The following SUSD6 variants were observed in gnomAD, a reference collection of about 807,000 sequenced individuals.
The protein encoded by SUSD6 is sushi domain-containing protein 6.
Under a neutral mutation model 28.4 loss-of-function variants are expected in SUSD6, and 16 were observed. The ratio of observed to expected loss-of-function variants is 0.56; its 90% CI spans 0.38 to 0.86. SUSD6 has a LOEUF of 0.86. Among genes scored for constraint, SUSD6 ranks in the 40% least tolerant of loss-of-function variants. The probability of loss-of-function intolerance (pLI) is 0.00; values close to 1 mark genes in which losing one functional copy is unlikely to be tolerated. For missense variants in SUSD6, 341 were observed against 384.2 expected (o/e 0.89, Z 0.94); for synonymous variants, 147 against 159.6 (o/e 0.92, Z 0.59).
At chr14:69,702,776 C>T (rs916816411) in intron 2 of SUSD6, among the ~76,000 whole-genome samples, 10 of 152,058 alleles carry the variant, frequency 6.6e-5, no homozygotes, top group African/African-American at 2.2e-4. Flanking sequence ...ACAAATAAGG[C>T]GGGAGGTGAA....
intron 1 of SUSD6, among the ~76,000 whole-genome samples, chr14:69,631,049 A>G (rs1422843042): frequency 6.6e-6 from 1 of 152,260 alleles, no homozygotes; most frequent in Non-Finnish European, 1.5e-5. Context: ...ACCATCATCT[A>G]GTGACCTGTG....
chr14:69,616,932 C>T (rs1884967963), intron 1 of SUSD6, among the ~76,000 whole-genome samples: 1 of 152,092 alleles, frequency 6.6e-6, no homozygotes, highest in African/African-American at 2.4e-5. Flanking sequence ...CCCAAAAAGT[C>T]ACTCCCTATT....
chr14:69,639,956 GTTTTTT>G (rs11463756), intron 1 of SUSD6, among the ~76,000 whole-genome samples: 175 of 81,646 alleles, frequency 2.1e-3, no homozygotes, highest in African/African-American at 7.8e-3. Flanking sequence ...CACCTACACT[GTTTTTT>G]TTTTTTTTTT....
rs1566610450 is a variant in SUSD6 at position 69,713,656 on chromosome 14, G to T, written c.*2677G>T. ...AGCAGCAGGTGGCAGGCTGTTAAAA[G>T]ACAGGCTGCCTGAGGAGCCTGGAGC... On this transcript the variant is annotated 3_prime_UTR_variant, in exon 6 of 6. Coordinates refer to ENST00000342745, the MANE Select transcript of SUSD6 (RefSeq NM_014734.4). 1 of 152,078 alleles carries T rather than the reference G, an allele frequency of 6.6e-6. No individual in the cohort carries two copies. Among genetic ancestry groups the T allele is most frequent in the Non-Finnish European group, 1.5e-5 (1 of 68,114 alleles). The allele number at this position is 152,078 out of a possible 1,614,324, so 9.4% of individuals were successfully genotyped here.
At position 69,635,219 on chromosome 14, in the gene SUSD6, A is replaced by G. The variant is rs150865783; in HGVS notation, c.-80-23294A>G. ...CTTAGTGTCAGGTAGAGGAGGAAGC[A>G]GCTGTGGAGTGTAAAGAAATCATCT... is the stretch of plus-strand genomic sequence containing the variant. On this transcript the variant is annotated intron_variant, in intron 1 of 5. Coordinates refer to ENST00000342745, the MANE Select transcript of SUSD6 (RefSeq NM_014734.4). Among the ~76,000 whole-genome samples the G allele has an allele frequency of 1.7e-3, 263 of 152,358 alleles. 1 individual carries two copies. Among genetic ancestry groups the G allele is most frequent in the African/African-American group, 5.9e-3 (246 of 41,578 alleles).
chr14:69,628,949 T>TG (rs1464730888), intron 1 of SUSD6, among the ~76,000 whole-genome samples: 1 of 152,004 alleles, frequency 6.6e-6, no homozygotes, highest in Non-Finnish European at 1.5e-5. Context: ...TCAAGTGATC[T>TG]GCCAGCCTTG....
At chr14:69,649,376 G>A (rs1395446483) in intron 1 of SUSD6, among the ~76,000 whole-genome samples, 9 of 152,178 alleles carry the variant, frequency 5.9e-5, no homozygotes, top group Admixed American at 5.9e-4. Flanking sequence ...ACTCAGCCCT[G>A]ATGGGAACCA....
At chr14:69,704,329 T>G (rs1886356236) in intron 3 of SUSD6, among the ~76,000 whole-genome samples, 1 of 152,124 alleles carries the variant, frequency 6.6e-6, no homozygotes, top group South Asian at 2.1e-4. Flanking sequence ...AAAGGTAAAA[T>G]CTCTAGGGTT....
At chr14:69,632,583 T>A (rs983264476) in intron 1 of SUSD6, among the ~76,000 whole-genome samples, 1 of 151,992 alleles carries the variant, frequency 6.6e-6, no homozygotes, top group Non-Finnish European at 1.5e-5. Flanking sequence ...GCTCCTCCTT[T>A]CTGTATCATC....
chr14:69,657,382 G>A (rs1356271496), intron 1 of SUSD6, among the ~76,000 whole-genome samples: 1 of 152,138 alleles, frequency 6.6e-6, no homozygotes, highest in Non-Finnish European at 1.5e-5. Flanking sequence ...TTCAACCCGG[G>A]AGGTGGAGGT....
At chr14:69,708,582 C>A in intron 4 of SUSD6, 95 bp from the exon 5 acceptor site, 2 of 1,072,810 alleles carry the variant, frequency 1.9e-6, no homozygotes, top group Non-Finnish European at 2.7e-6. Context: ...ATAGTAAGTG[C>A]TCAAAAATGG....
chr14:69,647,413 G>C (rs1256415667), intron 1 of SUSD6, among the ~76,000 whole-genome samples: 1 of 152,114 alleles, frequency 6.6e-6, no homozygotes, highest in African/African-American at 2.4e-5. Flanking sequence ...GTGGAGTGGG[G>C]GTGGGGTTGT....
intron 2 of SUSD6, among the ~76,000 whole-genome samples, chr14:69,676,820 A>G (rs1885917146): frequency 6.6e-6 from 1 of 152,260 alleles, no homozygotes; most frequent in Non-Finnish European, 1.5e-5. Flanking sequence ...ACAGTTCCCC[A>G]GCCTCTCAAG....
chr14:69,641,968 C>T (rs143545787), intron 1 of SUSD6, among the ~76,000 whole-genome samples: 76 of 152,274 alleles, frequency 5.0e-4, no homozygotes, highest in Admixed American at 1.2e-3. Context: ...TTCTTGAACA[C>T]ATGGAGTATA....
At position 69,670,072 on chromosome 14, in the gene SUSD6, G is replaced by A. The variant is rs1885806674; in HGVS notation, c.121+11359G>A. ...CCCTGGGTTTTGGTAGGGTTGCTGT[G>A]GGGCAGATTGGGTTTTGTATTTTCA... On this transcript the variant is annotated intron_variant, in intron 2 of 5. Transcript: ENST00000342745. 2.0e-5 allele frequency among the ~76,000 whole-genome samples: 3 copies of A among 152,218 alleles called. No homozygotes were observed. The South Asian group carries it at 6.2e-4, about 32-fold the overall frequency.
At chr14:69,682,655 A>G (rs374107570) in intron 2 of SUSD6, among the ~76,000 whole-genome samples, 1 of 152,200 alleles carries the variant, frequency 6.6e-6, no homozygotes, top group South Asian at 2.1e-4. Context: ...ATAAGATTAC[A>G]TTTTCCCCTA....
At chr14:69,615,751 TCA>T (rs1230584513) in intron 1 of SUSD6, 4 of 152,254 alleles carry the variant, frequency 2.6e-5, no homozygotes, top group Admixed American at 2.0e-4. Flanking sequence ...GAAACTAATT[TCA>T]CAGACTGTGG....
At position 69,703,463 on chromosome 14, in the gene SUSD6, C is replaced by G; in HGVS notation, c.190C>G (p.Leu64Val). 2 of 1,614,158 alleles carry G rather than the reference C, an allele frequency of 1.2e-6. No homozygotes were observed. Among genetic ancestry groups the G allele is most frequent in the East Asian group, 2.2e-5 (1 of 44,888 alleles). Residue 64 changes from leucine (L) to valine (V), a missense_variant, in exon 3 of 6, where the codon CTG (leucine) becomes GTG (valine). Coordinates refer to ENST00000342745, the MANE Select transcript of SUSD6 (RefSeq NM_014734.4). ...CCACCCCCGGCCCTGCAGAGACCCC[C>G]TGACAGCAGGCAGTGTCATCGAATA... ...ICHPRPCRDP[L>V]TAGSVIEYLC...
intron 2 of SUSD6, among the ~76,000 whole-genome samples, chr14:69,684,689 A>G (rs1392274118): frequency 6.6e-6 from 1 of 152,248 alleles, no homozygotes; most frequent in Admixed American, 6.5e-5. Context: ...GTGAATGAGC[A>G]GTTCCTCTTT....
Sources: gnomAD v4.1 joint callset for allele counts (sites outside exome capture counted in the v4.1 genomes callset) on GRCh38, gnomAD v4.1.1 for gene constraint, MANE v1.5 for transcripts, NCBI Gene and HGNC (gene_info 2026-07-23, HGNC 2026-07-21) for gene names.